Variants in NR6A1 observed in about 807,000 individuals in gnomAD.
NR6A1 encodes retinoic acid receptor-related testis-associated receptor.
NR6A1 carries 7 observed loss-of-function variants against 59.1 expected under a neutral mutation model. The ratio of observed to expected loss-of-function variants is 0.12; its 90% confidence interval spans 0.07 to 0.22. The LOEUF is 0.22. Among genes scored for constraint, NR6A1 ranks in the 10% least tolerant of loss-of-function variants. The probability of loss-of-function intolerance (pLI) is 1.00; values close to 1 mark genes in which losing one functional copy is unlikely to be tolerated. For missense variants in NR6A1, 468 were observed against 611.6 expected, an observed-to-expected ratio of 0.77 and a Z score of 2.48; for synonymous variants, 243 against 236.1, an observed-to-expected ratio of 1.03 and a Z score of -0.27.
rs781613945 is a variant in NR6A1, at chr9:124,524,730, A to G, written c.1345T>C (p.Tyr449His). The G allele has an allele frequency of 2.5e-6, 4 of 1,613,736 alleles. No homozygotes were observed. Among genetic ancestry groups the G allele is most frequent in the African/African-American group, 2.7e-5 (2 of 75,034 alleles). ...AGACCCAGAATGTTACCTGCAATATATCGAATCTCAGGTAAGCACATCATG... is the reference window on the plus strand; with the variant it reads ...AGACCCAGAATGTTACCTGCAATATGTCGAATCTCAGGTAAGCACATCATG... ...DLMMCLPEIR[Y>H]IAGKMVNVPL... Residue 449 changes from tyrosine to histidine, a missense_variant, in exon 9 of 10, where the codon TAT becomes CAT. Physicochemically the swap from Tyr to His is moderately conservative, Grantham distance 83. Around this residue, in one of 4 missense-constraint regions of NR6A1, gnomAD observed 176 missense variants for 264.0 expected, o/e 0.67. Coordinates refer to ENST00000487099, the MANE Select transcript of NR6A1 (RefSeq NM_033334.4).
chr9:124,628,797 CG>C (rs1836333299), intron 2 of NR6A1, among the ~76,000 whole-genome samples: 1 of 152,146 alleles, frequency 6.6e-6, no homozygotes, highest in Admixed American at 6.6e-5. Context: ...CACACCACCA[CG>C]CCCGGCTAAT....
chr9:124,726,188 G>A (rs1031847784), intron 2 of NR6A1, among the ~76,000 whole-genome samples: 2 of 151,966 alleles, frequency 1.3e-5, no homozygotes, highest in Non-Finnish European at 2.9e-5. Context: ...CCCTCACATC[G>A]TTGTTAAGTA....
At chr9:124,760,861 C>T (rs773975709) in intron 1 of NR6A1, among the ~76,000 whole-genome samples, 11 of 152,248 alleles carry the variant, frequency 7.2e-5, no homozygotes, top group Admixed American at 6.5e-5. Flanking sequence ...TGCTCTTTGC[C>T]TCACACCATC....
chr9:124,748,727 C>T (rs1465765803), intron 1 of NR6A1, among the ~76,000 whole-genome samples: 1 of 151,704 alleles, frequency 6.6e-6, no homozygotes, highest in East Asian at 1.9e-4. Context: ...TAGCCAGGCG[C>T]GGTGGCAGGC....
chr9:124,698,769 T>G (rs974247844), intron 2 of NR6A1: 30 of 152,158 alleles, frequency 2.0e-4, no homozygotes, highest in Non-Finnish European at 3.1e-4. Context: ...ACATTGCAGT[T>G]TCAGCCTATA....
chr9:124,590,108 T>C (rs1363242490), intron 2 of NR6A1, among the ~76,000 whole-genome samples: 2 of 139,808 alleles, frequency 1.4e-5, no homozygotes, highest in Non-Finnish European at 3.0e-5. Context: ...TAGTCTACTG[T>C]AGCCATCACA....
intron 2 of NR6A1, among the ~76,000 whole-genome samples, chr9:124,569,824 C>T (rs1482345941): frequency 6.6e-6 from 1 of 152,052 alleles, no homozygotes; most frequent in East Asian, 1.9e-4. Context: ...ACCGCACATA[C>T]TACTATAAAA....
intron 8 of NR6A1, among the ~76,000 whole-genome samples, chr9:124,525,651 C>G (rs1317588993): frequency 4.0e-5 from 6 of 151,898 alleles, no homozygotes; most frequent in Non-Finnish European, 8.8e-5. Flanking sequence ...GCCACTGTGC[C>G]TGGCCCCTCC....
intron 2 of NR6A1, among the ~76,000 whole-genome samples, chr9:124,704,863 C>T (rs560452385): frequency 4.2e-4 from 64 of 152,218 alleles, no homozygotes; most frequent in African/African-American, 1.5e-3. Context: ...CCCAACCTCC[C>T]GAGTAGCTGG....
intron 2 of NR6A1, among the ~76,000 whole-genome samples, chr9:124,647,724 C>CA (rs35591437): frequency 0.038 from 2,104 of 55,536 alleles, 34 homozygotes; most frequent in Middle Eastern, 0.059. Flanking sequence ...GAGACCGTCT[C>CA]AAAAAAAAAA....
At chr9:124,647,601 G>A (rs1399741681) in intron 2 of NR6A1, among the ~76,000 whole-genome samples, 1 of 151,790 alleles carries the variant, frequency 6.6e-6, no homozygotes, top group Admixed American at 6.6e-5. Flanking sequence ...GGTGGCACAT[G>A]CCTGTAATCC....
chr9:124,532,582 G>A (rs1833132501), intron 7 of NR6A1, among the ~76,000 whole-genome samples: 1 of 152,104 alleles, frequency 6.6e-6, no homozygotes, highest in Non-Finnish European at 1.5e-5. Context: ...CTCAGTAAAT[G>A]GCCATGGAAT....
At chr9:124,546,881 C>T (rs959737198) in intron 3 of NR6A1, among the ~76,000 whole-genome samples, 5 of 152,136 alleles carry the variant, frequency 3.3e-5, no homozygotes, top group African/African-American at 1.2e-4. Flanking sequence ...TATTATTCTC[C>T]CACGCATTTT....
At chr9:124,738,894 C>CGG (rs903861592) in intron 1 of NR6A1, among the ~76,000 whole-genome samples, 9 of 151,238 alleles carry the variant, frequency 6.0e-5, no homozygotes, top group African/African-American at 1.9e-4. Context: ...CCTAGCTACT[C>CGG]GGGGGGCTGA....
At chr9:124,614,636 G>T (rs1399231342) in intron 2 of NR6A1, among the ~76,000 whole-genome samples, 1 of 152,148 alleles carries the variant, frequency 6.6e-6, no homozygotes, top group Non-Finnish European at 1.5e-5. Flanking sequence ...AATATACTCT[G>T]CCTTAGGCTC....
intron 2 of NR6A1, among the ~76,000 whole-genome samples, chr9:124,678,359 C>A (rs1292164847): frequency 6.6e-6 from 1 of 152,186 alleles, no homozygotes; most frequent in Non-Finnish European, 1.5e-5. Context: ...CCTTCGTTAA[C>A]TGTAGAACTT....
rs146924410 is a variant in NR6A1, at chr9:124,527,556, T to C, written c.1080-656A>G. On this transcript the variant is annotated intron_variant, in intron 7 of 9. Transcript: ENST00000487099. ...ATCACATTTAATTCTCTCAACCCTA[T>C]GAGCTAGGTGAGATAATCATCAGCA... Among the ~76,000 whole-genome samples, 46 of 152,354 alleles carry C rather than the reference T, an allele frequency of 3.0e-4. No homozygotes were observed. The East Asian group carries it at 7.7e-3, about 26-fold the overall frequency.
At chr9:124,616,318 G>A (rs909568575) in intron 2 of NR6A1, among the ~76,000 whole-genome samples, 9 of 149,760 alleles carry the variant, frequency 6.0e-5, no homozygotes, top group Admixed American at 6.7e-5. Flanking sequence ...CAGGAGAATC[G>A]CTTGAACTCG....
At chr9:124,649,071 C>T (rs1386467349) in intron 2 of NR6A1, among the ~76,000 whole-genome samples, 2 of 151,956 alleles carry the variant, frequency 1.3e-5, no homozygotes, top group Middle Eastern at 3.4e-3. Flanking sequence ...ATACCAATGA[C>T]ATTCTTCGCA....
Sources: gnomAD v4.1 joint callset for allele counts (sites outside exome capture counted in the v4.1 genomes callset) on GRCh38, gnomAD v4.1.1 for gene constraint, gnomAD v4.1.1 regional missense constraint, MANE v1.5 for transcripts, NCBI Gene and HGNC (gene_info 2026-07-23, HGNC 2026-07-21) for gene names.